ZFP1: variants seen among roughly 807,000 people sequenced by gnomAD.
ZFP1 encodes zinc finger protein 1 homolog.
A neutral mutation model predicts 38.5 loss-of-function variants in ZFP1; 32 were observed. That is an observed-to-expected ratio of 0.83 (90% CI 0.63 to 1.12). The LOEUF (loss-of-function observed/expected upper bound fraction) is 1.12. Ranked by LOEUF, ZFP1 falls within the 50% of genes most tolerant of loss-of-function variation. ZFP1 has a pLI of 0.00. For missense variants in ZFP1, 616 were observed against 480.8 expected, an observed-to-expected ratio of 1.28 and a Z score of -2.63; for synonymous variants, 245 against 168.8, an observed-to-expected ratio of 1.45 and a Z score of -3.50.
the ZFP1 span, among the ~76,000 whole-genome samples, chr16:75,132,312 C>G: frequency 1.3e-5 from 2 of 151,108 alleles, no homozygotes; most frequent in Admixed American, 6.6e-5. Context: ...TCACTTGAGT[C>G]TGGGAAGCAG....
At position 75,171,969 on chromosome 16, in the gene ZFP1, C is replaced by T. The variant is rs932163571; in HGVS notation, c.*1635C>T. On this transcript the variant is annotated 3_prime_UTR_variant, in exon 4 of 4. Coordinates refer to ENST00000570010, the MANE Select transcript of ZFP1 (RefSeq NM_153688.4). ...GAATCTATCCCTAAGGAATAAAAAGCGCCAGCACTTAAGATTATATGTTTA... is the reference window on the plus strand; with the variant it reads ...GAATCTATCCCTAAGGAATAAAAAGTGCCAGCACTTAAGATTATATGTTTA... 3 of 152,054 alleles carry T rather than the reference C, an allele frequency of 2.0e-5. No individual in the cohort carries two copies. Among genetic ancestry groups the T allele is most frequent in the South Asian group, 2.1e-4 (1 of 4,826 alleles). The allele number at this position is 152,054 out of a possible 1,614,324, so 9.4% of individuals were successfully genotyped here.
At chr16:75,152,427 A>G (rs544711082) in intron 1 of ZFP1, among the ~76,000 whole-genome samples, 1 of 152,302 alleles carries the variant, frequency 6.6e-6, no homozygotes, top group South Asian at 2.1e-4. Context: ...CCTATCTTCA[A>G]GTTTACTGAA....
At chr16:75,131,491 C>A in the ZFP1 span, among the ~76,000 whole-genome samples, 16 of 152,210 alleles carry the variant, frequency 1.1e-4, 2 homozygotes, top group South Asian at 6.2e-4. Context: ...CTAACATCAC[C>A]AAAACAACGA....
chr16:75,144,061 C>T (rs574476378), upstream of ZFP1: 4 of 152,128 alleles, frequency 2.6e-5, no homozygotes, highest in Non-Finnish European at 4.4e-5. Flanking sequence ...TCAGAAACAC[C>T]CGCTACACTT....
chr16:75,169,998 T>G lies in ZFP1; in HGVS notation c.888T>G (p.Tyr296Ter). 6.2e-7 allele frequency: 1 copy of G among 1,614,204 alleles called. No individual in the cohort carries two copies. The highest frequency in any genetic ancestry group is 8.5e-7 in the Non-Finnish European group (1 of 1,180,040). Residue 296 changes from tyrosine to a stop codon, truncating the protein, a stop_gained, in exon 4 of 4, where the codon TAT becomes TAG. Coordinates refer to ENST00000570010, the MANE Select transcript of ZFP1 (RefSeq NM_153688.4). LOFTEE classifies it high-confidence loss of function. ...HQRIHTGERP[Y>*]ECNECAKTFF... is the part of the protein sequence containing the mutation. ...GAATTCATACAGGAGAGCGACCCTA[T>G]GAGTGTAACGAATGTGCAAAAACCT...
chr16:75,165,265 GAA>G (rs1375112906), intron 2 of ZFP1, among the ~76,000 whole-genome samples: 2 of 152,158 alleles, frequency 1.3e-5, no homozygotes, highest in Non-Finnish European at 2.9e-5. Flanking sequence ...ACCCTTTATA[GAA>G]AAAGTTTGTC....
rs760363877 is a variant in ZFP1 at position 75,169,670 on chromosome 16, C to T, written c.560C>T (p.Thr187Ile). 2 of 1,609,012 alleles carry T rather than the reference C, an allele frequency of 1.2e-6. No homozygotes were observed. The highest frequency in any genetic ancestry group is 1.7e-6 in the Non-Finnish European group (2 of 1,178,460). Residue 187 changes from threonine to isoleucine, a missense_variant, in exon 4 of 4, where the codon ACT (threonine) becomes ATT (isoleucine). Thr to Ile is a moderately conservative substitution (Grantham distance 89, BLOSUM62 -1). Coordinates refer to ENST00000570010, the MANE Select transcript of ZFP1 (RefSeq NM_153688.4). ...IKNLVQPFIC[T>I]YCDKAFSFKS... ...AACTTGGTTCAACCTTTCATTTGTA[C>T]TTACTGTGACAAGGCTTTCTCCTTT...
At chr16:75,154,858 C>T (rs948119331) in intron 2 of ZFP1, among the ~76,000 whole-genome samples, 1 of 151,936 alleles carries the variant, frequency 6.6e-6, no homozygotes, top group African/African-American at 2.4e-5. Context: ...AATGTAGTGG[C>T]GTGATCTTGG....
chr16:75,157,492 C>T (rs984393161), intron 2 of ZFP1, among the ~76,000 whole-genome samples: 15 of 152,036 alleles, frequency 9.9e-5, no homozygotes, highest in Admixed American at 9.8e-4. Flanking sequence ...GATACGCCCT[C>T]CTCAGCCTCC....
At chr16:75,152,346 A>G (rs769426848) in intron 1 of ZFP1, among the ~76,000 whole-genome samples, 3 of 152,056 alleles carry the variant, frequency 2.0e-5, no homozygotes, top group Non-Finnish European at 4.4e-5. Context: ...ACCATTTGAT[A>G]TTGTCTCACA....
the ZFP1 span, among the ~76,000 whole-genome samples, chr16:75,125,885 T>C: frequency 1.8e-4 from 28 of 151,694 alleles, 1 homozygote; most frequent in East Asian, 5.3e-3. Context: ...TCTACCAAAA[T>C]ACAAAAATTA....
intron 2 of ZFP1, among the ~76,000 whole-genome samples, chr16:75,159,375 C>G (rs1244240285): frequency 5.6e-5 from 1 of 17,950 alleles, no homozygotes; most frequent in African/African-American, 1.1e-4. Context: ...CTCCCTCCCT[C>G]CCTTCCTTCC....
rs564099559 is a variant in ZFP1, at chr16:75,165,811, T to A, written c.16-959T>A. On this transcript the variant is annotated intron_variant, in intron 2 of 3. Transcript: ENST00000570010. ...TGTGTTGGAAAATTCTCAGCTGTTA[T>A]CTCTTCAAATATTGTTTCCACTGCC... Among the ~76,000 whole-genome samples the A allele has an allele frequency of 4.6e-5, 7 of 152,240 alleles. No individual in the cohort carries two copies. The East Asian group carries it at 1.2e-3, about 25-fold the overall frequency.
rs780016647 is a variant in ZFP1 at position 75,153,002 on chromosome 16, G to A, written c.15+36G>A. The A allele has an allele frequency of 1.2e-5, 20 of 1,611,870 alleles. No individual in the cohort carries two copies. The South Asian group carries it at 1.9e-4, about 15-fold the overall frequency. Reference sequence around the variant, plus strand: ...TGTTTATTCCCCATTTTGCTTTTCAGTGCATTTAAGGAAGTTTATAAGGAT... The same window carrying A: ...TGTTTATTCCCCATTTTGCTTTTCAATGCATTTAAGGAAGTTTATAAGGAT... On this transcript the variant is annotated intron_variant, in intron 2 of 3. Transcript: ENST00000570010.
At chr16:75,139,421 G>A in the ZFP1 span, among the ~76,000 whole-genome samples, 1 of 150,880 alleles carries the variant, frequency 6.6e-6, no homozygotes. Flanking sequence ...GTCGGGCCTG[G>A]GGGCTCACGC....
the ZFP1 span, among the ~76,000 whole-genome samples, chr16:75,121,391 T>C: frequency 1.1e-4 from 16 of 152,222 alleles, no homozygotes; most frequent in East Asian, 2.1e-3. Flanking sequence ...CCCCAAAGTG[T>C]TGGGATTACA....
chr16:75,121,169 GTT>G, the ZFP1 span, among the ~76,000 whole-genome samples: 23 of 140,132 alleles, frequency 1.6e-4, 2 homozygotes, highest in South Asian at 1.1e-3. Flanking sequence ...TTTCTTTTTT[GTT>G]TTTTTTTTTT....
the ZFP1 span, among the ~76,000 whole-genome samples, chr16:75,138,819 CT>C: frequency 3.2e-4 from 49 of 152,326 alleles, no homozygotes; most frequent in African/African-American, 1.2e-3. Flanking sequence ...GACACCTTGC[CT>C]TTAGACTTCC....
At chr16:75,122,947 GGTAA>G in the ZFP1 span, among the ~76,000 whole-genome samples, 64 of 151,922 alleles carry the variant, frequency 4.2e-4, no homozygotes, top group African/African-American at 1.5e-3. Flanking sequence ...AAATAATCTA[GGTAA>G]GTAATTAAAA....
Sources: allele counts gnomAD v4.1 joint callset (sites outside exome capture counted in the v4.1 genomes callset), GRCh38; gene constraint gnomAD v4.1.1; transcripts MANE v1.5; gene names NCBI Gene and HGNC (gene_info 2026-07-23, HGNC 2026-07-21).